The following VPS16 variants were observed in gnomAD, a reference collection of about 807,000 sequenced individuals.
The protein encoded by VPS16 is vacuolar protein sorting-associated protein 16 homolog.
VPS16 carries 82 observed loss-of-function variants against 116.0 expected under a neutral mutation model. That is an observed-to-expected ratio of 0.71 (90% CI 0.59 to 0.85). VPS16 has a LOEUF of 0.85. VPS16 is among the 40% of genes least tolerant of loss of function. The pLI is 0.00. For synonymous variants in VPS16, 406 were observed against 420.7 expected (o/e 0.96, Z 0.43); for missense variants, 928 against 1,090.6 (o/e 0.85, Z 2.10).
At chr20:2,846,487 A>G (rs780236394) in intron 1 of VPS16, among the ~76,000 whole-genome samples, 7 of 152,104 alleles carry the variant, frequency 4.6e-5, no homozygotes, top group Non-Finnish European at 7.4e-5. Context: ...TGGTAATTCT[A>G]TGTTTACTTT....
Position 2,847,767 on chromosome 20 carries a change from G to A in VPS16, c.53+6940G>A, listed in dbSNP as rs529390359. 2.7e-5 allele frequency among the ~76,000 whole-genome samples: 4 copies of A among 150,828 alleles called. No homozygotes were observed. In the East Asian group the frequency reaches 7.9e-4, roughly 30 times the overall value. The stretch of plus-strand genomic sequence containing the variant: ...GCTAGGATTACAGGCGTGAGCCACC[G>A]CACCCAGCCCCGCCCCCTCTCTTAC... On this transcript the variant is annotated intron_variant, in intron 1 of 23. Transcript: ENST00000380445.
At position 2,864,981 on chromosome 20, in the gene VPS16, A is replaced by G; in HGVS notation, c.1930A>G (p.Ile644Val). 6.2e-7 allele frequency: 1 copy of G among 1,614,030 alleles called. No individual in the cohort carries two copies. Residue 644 changes from isoleucine to valine, a missense_variant, in exon 20 of 24, where the codon ATT (isoleucine) becomes GTT (valine). Physicochemically the swap from Ile to Val is conservative, Grantham distance 29 (BLOSUM62 3). Coordinates refer to ENST00000380445, the MANE Select transcript of VPS16 (RefSeq NM_022575.4). The surrounding 1 kb of genome is among the most constrained non-coding windows in gnomAD (Gnocchi z 5.2). ...IRASYAAEER[I>V]EGRVAALQTA... ...GCCTTCCTTCTTGTCTTTATAGCGT[A>G]TTGAGGGGCGAGTAGCAGCTCTGCA...
rs761399965 is a variant in VPS16, at chr20:2,861,276, G to A, written c.805G>A (p.Val269Ile). Residue 269 changes from valine to isoleucine, a missense_variant, in exon 8 of 24, where the codon GTC (valine) becomes ATC (isoleucine). Coordinates refer to ENST00000380445, the MANE Select transcript of VPS16 (RefSeq NM_022575.4). Reference sequence around the variant, plus strand: ...CATCCGGGCACCTCCAAAGCAGATGGTCTGGTAAGGATGGGGGTGTTATTG... The same window carrying A: ...CATCCGGGCACCTCCAAAGCAGATGATCTGGTAAGGATGGGGGTGTTATTG... ...CNIRAPPKQM[V>I]WCSRPRSKER... 10 of 1,614,136 alleles carry A rather than the reference G, an allele frequency of 6.2e-6. No individual in the cohort carries two copies. The highest frequency in any genetic ancestry group is 1.3e-5 in the African/African-American group (1 of 75,052).
Position 2,862,214 on chromosome 20 carries a change from C to T in VPS16, c.1071+84C>T, listed in dbSNP as rs527619678. ...ATGTGTGAGCATAGCCAGGTGCCACCTGTCAAGAGAGGGGTCCAGGCAGGA... is the reference window on the plus strand; with the variant it reads ...ATGTGTGAGCATAGCCAGGTGCCACTTGTCAAGAGAGGGGTCCAGGCAGGA... On this transcript the variant is annotated intron_variant, in intron 11 of 23. Coordinates refer to ENST00000380445, the MANE Select transcript of VPS16 (RefSeq NM_022575.4). 106 of 1,486,756 alleles carry T rather than the reference C, an allele frequency of 7.1e-5. No homozygotes were observed. In the African/African-American group the frequency reaches 1.3e-3, roughly 19 times the overall value. The allele number at this position is 1,486,756 out of a possible 1,614,324, so 92.1% of individuals were successfully genotyped here.
In VPS16 at chr20:2,865,592, C is replaced by T. The variant is rs1159151054; in HGVS notation, c.2271+97C>T. On this transcript the variant is annotated intron_variant, in intron 22 of 23. Transcript: ENST00000380445. The surrounding 1 kb of genome is among the most constrained non-coding windows in gnomAD (Gnocchi z 5.2). ...ACAGATAGGATGGCCCGTTCATGCT[C>T]CTGTTCAGCTGCCCGCATAGTTAGC... 3 of 1,116,518 alleles carry T rather than the reference C, an allele frequency of 2.7e-6. No individual in the cohort carries two copies. Among genetic ancestry groups the T allele is most frequent in the Non-Finnish European group, 3.8e-6 (3 of 780,222 alleles). 69.2% of individuals were successfully genotyped at this position (1,116,518 alleles called of 1,614,324 possible). A position where few individuals can be genotyped will look rare whatever the true frequency, so the allele number is the denominator to read the frequency against.
At position 2,862,810 on chromosome 20, in the gene VPS16, G is replaced by A. The variant is rs151308451; in HGVS notation, c.1207G>A (p.Ala403Thr). The A allele has an allele frequency of 3.1e-5, 50 of 1,613,848 alleles. No homozygotes were observed. In the South Asian group the frequency reaches 4.0e-4, roughly 13 times the overall value. ...PDMQKSLLRAASFGKCFLDRF... is the reference protein window; with the variant it reads ...PDMQKSLLRATSFGKCFLDRF... ...ATCGCCCTCTGGCTCTTCTCAGGCC[G>A]CCTCCTTCGGAAAGTGTTTCCTGGA... Residue 403 changes from alanine to threonine, a missense_variant, in exon 13 of 24, where the codon GCC (alanine) becomes ACC (threonine). Physicochemically the swap from Ala to Thr is moderately conservative, Grantham distance 58 (BLOSUM62 0). Transcript: ENST00000380445.
intron 23 of VPS16, 55 bp from the exon 24 acceptor site, chr20:2,866,375 G>A: frequency 1.2e-6 from 2 of 1,614,064 alleles, no homozygotes; most frequent in Non-Finnish European, 1.7e-6. Flanking sequence ...GTGAGAGGCA[G>A]GGTTTGTGCC....
In VPS16 at chr20:2,860,305, G is replaced by A. The variant is rs1300024563; in HGVS notation, c.307G>A (p.Asp103Asn). 17 of 1,614,010 alleles carry A rather than the reference G, an allele frequency of 1.1e-5. No individual in the cohort carries two copies. The highest frequency in any genetic ancestry group is 1.4e-5 in the Non-Finnish European group (17 of 1,180,030). ...AEEELLCVQE[D>N]GAVLVYGLHG... ...GGAGGAGCTGCTCTGTGTGCAGGAA[G>A]ATGGTGCTGTACTGGTTTATGGGCT... Residue 103 changes from aspartate (D) to asparagine (N), a missense_variant, in exon 4 of 24, where the codon GAT becomes AAT. By Grantham distance (23) the Asp-to-Asn change is conservative. Coordinates refer to ENST00000380445, the MANE Select transcript of VPS16 (RefSeq NM_022575.4). The surrounding 1 kb of genome is among the most constrained non-coding windows in gnomAD (Gnocchi z 6.1).
chr20:2,844,410 C>G (rs2089038776), intron 1 of VPS16, among the ~76,000 whole-genome samples: 1 of 152,148 alleles, frequency 6.6e-6, no homozygotes, highest in East Asian at 1.9e-4. Flanking sequence ...GAAACGGTGA[C>G]CAGTTCTTAT....
At chr20:2,840,949 C>A in intron 1 of VPS16, 122 bp downstream of exon 1, 1 of 981,722 alleles carries the variant, frequency 1.0e-6, no homozygotes, top group Non-Finnish European at 1.5e-6. Context: ...GCCGGCTCTC[C>A]CCGAGCGTCT....
chr20:2,842,841 T>TATAG (rs1486872364), intron 1 of VPS16, among the ~76,000 whole-genome samples: 3 of 122,480 alleles, frequency 2.4e-5, no homozygotes, highest in African/African-American at 1.1e-4. Flanking sequence ...TAGATGTATC[T>TATAG]ATCGATAGAT....
intron 1 of VPS16, among the ~76,000 whole-genome samples, chr20:2,859,020 C>G (rs2089200756): frequency 6.6e-6 from 1 of 152,126 alleles, no homozygotes; most frequent in Non-Finnish European, 1.5e-5. Context: ...AGAAATAGGC[C>G]AGGCACTGCA....
intron 1 of VPS16, among the ~76,000 whole-genome samples, chr20:2,849,387 G>A (rs1366447010): frequency 6.7e-6 from 1 of 148,172 alleles, no homozygotes; most frequent in East Asian, 2.0e-4. Flanking sequence ...TGCAACCTCT[G>A]CCTCCTGGGT....
At chr20:2,862,731 C>T (rs576613361) in intron 12 of VPS16, 21 bp downstream of exon 12, 14 of 273,910 alleles carry the variant, frequency 5.1e-5, no homozygotes, top group African/African-American at 2.8e-4. Context: ...ATGGCCGGGC[C>T]GGGGAGGGTG....
chr20:2,862,416 C>A, intron 11 of VPS16, 163 bp from the exon 12 acceptor site: 1 of 1,384,800 alleles, frequency 7.2e-7, no homozygotes, highest in Non-Finnish European at 9.6e-7. Flanking sequence ...GAGATGATGT[C>A]TGTGGGCACC....
rs146636512 is a variant in VPS16, at chr20:2,866,238, A to G, written c.2298A>G (p.Gln766=). 132 of 1,613,938 alleles carry G rather than the reference A, an allele frequency of 8.2e-5. No homozygotes were observed. In the African/African-American group the frequency reaches 1.6e-3, roughly 20 times the overall value. ...YLPFVEICMK[Q]HNKYEAKKYA... ...CTTTTGTGGAGATCTGCATGAAACAACATAACAAATACGAAGCCAAGAAGT... is the reference window on the plus strand; with the variant it reads ...CTTTTGTGGAGATCTGCATGAAACAGCATAACAAATACGAAGCCAAGAAGT... The change falls in exon 23 of 24, where the codon CAA becomes CAG. Residue 766 remains glutamine, a synonymous_variant. Transcript: ENST00000380445.
chr20:2,855,037 C>G (rs564038607), intron 1 of VPS16, among the ~76,000 whole-genome samples: 7 of 140,244 alleles, frequency 5.0e-5, no homozygotes, highest in Non-Finnish European at 1.1e-4. Flanking sequence ...CTCGGCTCAC[C>G]GCAACCTCCG....
intron 1 of VPS16, among the ~76,000 whole-genome samples, chr20:2,852,774 G>A (rs944432803): frequency 3.9e-5 from 6 of 152,190 alleles, no homozygotes; most frequent in Non-Finnish European, 7.3e-5. Context: ...CTTAAGCAAC[G>A]TGTAGTATTT....
In VPS16 at chr20:2,865,915, A is replaced by C; in HGVS notation, c.2272-297A>C. On this transcript the variant is annotated intron_variant, in intron 22 of 23. Transcript: ENST00000380445. This position sits in a 1 kb window ranked among gnomAD's most constrained non-coding sequence, Gnocchi z 5.2. ...ATGTCAATCACAAGAGAACACAGGA[A>C]ATGTGAGGGCTGGTGGCAGGAACGC... 2.0e-6 allele frequency: 1 copy of C among 489,870 alleles called. No homozygotes were observed. Among genetic ancestry groups the C allele is most frequent in the Non-Finnish European group, 3.7e-6 (1 of 269,742 alleles). 30.3% of individuals were successfully genotyped at this position (489,870 alleles called of 1,614,324 possible).
Sources: gnomAD v4.1 joint callset for allele counts (sites outside exome capture counted in the v4.1 genomes callset) on GRCh38, gnomAD v4.1.1 for gene constraint, Gnocchi (gnomAD v3.1) non-coding constraint, MANE v1.5 for transcripts, NCBI Gene and HGNC (gene_info 2026-07-23, HGNC 2026-07-21) for gene names.